Variants in KTN1 observed in about 807,000 individuals in gnomAD.
The protein encoded by KTN1 is kinectin.
A neutral mutation model predicts 222.5 loss-of-function variants in KTN1; 130 were observed. The observed-to-expected ratio is 0.58, with a 90% confidence interval of 0.51 to 0.68. The LOEUF (loss-of-function observed/expected upper bound fraction) is 0.68. Among genes scored for constraint, KTN1 ranks in the 30% least tolerant of loss-of-function variants. The pLI is 0.00. For missense variants in KTN1, 1,508 were observed against 1,500.4 expected, an observed-to-expected ratio of 1.01 and a Z score of -0.08; for synonymous variants, 512 against 496.3, an observed-to-expected ratio of 1.03 and a Z score of -0.42.
chr14:55,652,648 C>G (rs1400279573), intron 25 of KTN1, among the ~76,000 whole-genome samples: 1 of 152,220 alleles, frequency 6.6e-6, no homozygotes, highest in East Asian at 1.9e-4. Flanking sequence ...ATCCGCCCGC[C>G]TTGGCCTCCC....
intron 1 of KTN1, among the ~76,000 whole-genome samples, chr14:55,611,363 A>C (rs2037550770): frequency 6.6e-6 from 1 of 151,202 alleles, no homozygotes; most frequent in Admixed American, 6.6e-5. Context: ...CAGCCTCCTA[A>C]AGTGGTGGGA....
intron 1 of KTN1, among the ~76,000 whole-genome samples, chr14:55,604,070 C>G (rs1310088034): frequency 6.6e-6 from 1 of 152,186 alleles, no homozygotes; most frequent in African/African-American, 2.4e-5. Context: ...CAGACCCCTC[C>G]AGTAGTTTTC....
At chr14:55,594,672 T>C (rs1270463541) in intron 1 of KTN1, among the ~76,000 whole-genome samples, 1 of 152,176 alleles carries the variant, frequency 6.6e-6, no homozygotes, top group Non-Finnish European at 1.5e-5. Context: ...CCATTAATTT[T>C]AGTAGGGAAT....
intron 1 of KTN1, among the ~76,000 whole-genome samples, chr14:55,594,501 T>G (rs897920826): frequency 1.3e-5 from 2 of 151,552 alleles, no homozygotes; most frequent in Non-Finnish European, 2.9e-5. Context: ...GAGTAGAGTT[T>G]TTTTTTTTTT....
intron 1 of KTN1, among the ~76,000 whole-genome samples, chr14:55,585,369 T>C (rs1164452629): frequency 6.6e-6 from 1 of 152,170 alleles, no homozygotes; most frequent in Admixed American, 6.5e-5. Flanking sequence ...TTCAAAAAGT[T>C]GGTTAAAGCA....
At chr14:55,648,719 G>T in intron 20 of KTN1, 83 bp from the exon 21 acceptor site, 2 of 903,176 alleles carry the variant, frequency 2.2e-6, no homozygotes, top group Admixed American at 4.2e-5. Flanking sequence ...AGCAGCTAAA[G>T]AAATGAGAAA....
intron 43 of KTN1, chr14:55,680,007 GAGTA>G (rs1249462094): frequency 1.6e-5 from 4 of 247,800 alleles, no homozygotes; most frequent in African/African-American, 6.9e-5. Flanking sequence ...TCTTAGTTTA[GAGTA>G]AGTATCTGTG....
At chr14:55,653,403 T>G (rs1316254471) in intron 27 of KTN1, among the ~76,000 whole-genome samples, 156 bp from the exon 28 acceptor site, 4 of 152,180 alleles carry the variant, frequency 2.6e-5, no homozygotes, top group Non-Finnish European at 4.4e-5. Context: ...TTAATAAAAC[T>G]CATTCTGTCC....
rs932547070 is a variant in KTN1, at chr14:55,619,624, A to G, written c.963+312A>G. 2.6e-5 allele frequency among the ~76,000 whole-genome samples: 4 copies of G among 152,154 alleles called. No individual in the cohort carries two copies. The East Asian group carries it at 7.7e-4, about 29-fold the overall frequency. On this transcript the variant is annotated intron_variant, in intron 5 of 43. Transcript: ENST00000395314. ...CTTATATGGTGGCAGGGAAGAGGGA[A>G]TGAGAATCAAGCGAAAGGGGTTTCC... is the stretch of plus-strand genomic sequence containing the variant.
intron 7 of KTN1, 27 bp downstream of exon 7, chr14:55,630,124 A>G (rs371464466): frequency 6.2e-7 from 1 of 1,603,480 alleles, no homozygotes; most frequent in Non-Finnish European, 8.5e-7. Flanking sequence ...TGGAAACAAG[A>G]TGAAATGGTT....
rs750366720 is a variant in KTN1, at chr14:55,653,626, G to C, written c.2801+30G>C. 5.8e-6 allele frequency: 9 copies of C among 1,557,566 alleles called. No individual in the cohort carries two copies. In the African/African-American group the frequency reaches 1.2e-4, roughly 21 times the overall value. ...GTATGCTTTAAGACCACATTTTGAA[G>C]AGAAACAAACGTCTCATTATTTTCC... On this transcript the variant is annotated intron_variant, in intron 28 of 43. Transcript: ENST00000395314.
At chr14:55,633,822 T>A (rs2040802244) in intron 8 of KTN1, among the ~76,000 whole-genome samples, 1 of 152,026 alleles carries the variant, frequency 6.6e-6, no homozygotes, top group Non-Finnish European at 1.5e-5. Flanking sequence ...GACTCTGAGG[T>A]AGAGCCCAGG....
At chr14:55,668,051 T>C (rs1487203748) in intron 34 of KTN1, 1 of 152,038 alleles carries the variant, frequency 6.6e-6, no homozygotes, top group Non-Finnish European at 1.5e-5. Context: ...CCACCTTGCA[T>C]TCCCTAGATT....
intron 18 of KTN1, among the ~76,000 whole-genome samples, chr14:55,643,144 A>G (rs2041966420): frequency 6.6e-6 from 1 of 152,140 alleles, no homozygotes; most frequent in Admixed American, 6.5e-5. Flanking sequence ...TCCTGGCCTT[A>G]AGTGATCTGC....
chr14:55,667,254 A>T lies in KTN1; in HGVS notation c.3191A>T (p.Gln1064Leu). The stretch of plus-strand genomic sequence containing the variant: ...CTTCTGCTTTAGGAAAGGCAGCAAC[A>T]GGTGGAAGCTGTTGAGTTGGAGGCT... The part of the protein sequence containing the change: ...VNKTSKERQQ[Q>L]VEAVELEAKE... The change falls in exon 34 of 44, where the codon CAG becomes CTG. Residue 1064 changes from glutamine (Q) to leucine (L), a missense_variant. By Grantham distance (113) the Gln-to-Leu change is moderately radical (BLOSUM62 -2). Transcript: ENST00000395314. The T allele has an allele frequency of 6.3e-7, 1 of 1,599,328 alleles. No homozygotes were observed.
In KTN1 at chr14:55,673,218, A is replaced by T. The variant is rs1215481871; in HGVS notation, c.3734A>T (p.Tyr1245Phe). ...TTGCAGAAAAAACTTGATGATTCAT[A>T]TTCTGAAGCAGTAAGACAGAATGAA... Reference protein sequence around the residue: ...TELQKKLDDSYSEAVRQNEEL... With the variant: ...TELQKKLDDSFSEAVRQNEEL... Residue 1245 changes from tyrosine to phenylalanine, a missense_variant, in exon 40 of 44, where the codon TAT becomes TTT. Physicochemically the swap from Tyr to Phe is conservative, Grantham distance 22 (BLOSUM62 3). Coordinates refer to ENST00000395314, the MANE Select transcript of KTN1 (RefSeq NM_001079521.2). 1 of 1,613,068 alleles carries T rather than the reference A, an allele frequency of 6.2e-7. No individual in the cohort carries two copies. Among genetic ancestry groups the T allele is most frequent in the Non-Finnish European group, 8.5e-7 (1 of 1,179,390 alleles).
intron 5 of KTN1, among the ~76,000 whole-genome samples, chr14:55,627,211 G>A (rs1022589193): frequency 6.6e-5 from 10 of 152,080 alleles, no homozygotes; most frequent in Non-Finnish European, 1.3e-4. Context: ...TTGACTCTGA[G>A]TTTAAAACTG....
At position 55,672,706 on chromosome 14, in the gene KTN1, G is replaced by T. The variant is rs779961076; in HGVS notation, c.3603+5G>T. On this transcript the variant is annotated splice_donor_5th_base_variant and intron_variant, in intron 38 of 43. Coordinates refer to ENST00000395314, the MANE Select transcript of KTN1 (RefSeq NM_001079521.2). ...GAAAATAAGGATATTGAAAATGTAT[G>T]TTATTTGATTGTTTTACTTGTAACC... 1 of 1,554,428 alleles carries T rather than the reference G, an allele frequency of 6.4e-7. No individual in the cohort carries two copies. The highest frequency in any genetic ancestry group is 1.7e-5 in the Admixed American group (1 of 59,728).
At chr14:55,623,318 A>C (rs772102491) in intron 5 of KTN1, among the ~76,000 whole-genome samples, 47 of 152,270 alleles carry the variant, frequency 3.1e-4, no homozygotes, top group Non-Finnish European at 5.6e-4. Flanking sequence ...AAATATGATA[A>C]ATGTGACTTT....
Sources: gnomAD v4.1 joint callset for allele counts (sites outside exome capture counted in the v4.1 genomes callset) on GRCh38, gnomAD v4.1.1 for gene constraint, MANE v1.5 for transcripts, NCBI Gene and HGNC (gene_info 2026-07-23, HGNC 2026-07-21) for gene names.